Variants in P2RY2 observed in about 807,000 individuals in gnomAD.
P2RY2 encodes the protein purinergic receptor P2Y2.
For synonymous variants in P2RY2, 241 were observed against 231.9 expected (o/e 1.04, Z -0.35); for missense variants, 567 against 515.7 (o/e 1.10, Z -0.96).
rs1255958367 is a variant in P2RY2 at position 73,227,597 on chromosome 11, GACAATAGAATGC to G, written c.-199-380_-199-369del. On this transcript the variant is annotated intron_variant, in intron 1 of 2. Transcript: ENST00000393597. ...AAGGGCAAAAGTGTGTTGGCAGAAG[GACAATAGAATGC>G]ACACTGGGCAAAGAGGGTATTGACT... Among the ~76,000 whole-genome samples, 9 of 152,294 alleles carry G rather than the reference GACAATAGAATGC, an allele frequency of 5.9e-5. No homozygotes were observed. The East Asian group carries it at 1.7e-3, about 29-fold the overall frequency.
At chr11:73,227,042 C>G (rs1360069691) in intron 1 of P2RY2, among the ~76,000 whole-genome samples, 1 of 152,138 alleles carries the variant, frequency 6.6e-6, no homozygotes, top group Non-Finnish European at 1.5e-5. Context: ...AACCCATCAC[C>G]TACATTAGGT....
chr11:73,220,505 A>G (rs1466227928), intron 1 of P2RY2, among the ~76,000 whole-genome samples: 1 of 152,208 alleles, frequency 6.6e-6, no homozygotes, highest in Non-Finnish European at 1.5e-5. Context: ...CTGAGCCTTC[A>G]GATGCTCCTG....
chr11:73,229,590 G>A (rs764442247), intron 2 of P2RY2, among the ~76,000 whole-genome samples: 11 of 152,102 alleles, frequency 7.2e-5, no homozygotes, highest in Non-Finnish European at 1.5e-4. Context: ...GGCGGGAGGG[G>A]TGAGTCTGGC....
chr11:73,234,798 C>A lies in P2RY2; in HGVS notation c.639C>A (p.Val213=). 1 of 1,612,034 alleles carries A rather than the reference C, an allele frequency of 6.2e-7. No individual in the cohort carries two copies. Among genetic ancestry groups the A allele is most frequent in the Non-Finnish European group, 8.5e-7 (1 of 1,179,962 alleles). ...LGLLFAVPFA[V]ILVCYVLMAR... is the part of the protein sequence containing the mutation. ...TGCTCTTCGCGGTGCCCTTTGCCGT[C>A]ATCCTTGTCTGTTACGTGCTCATGG... is the stretch of plus-strand genomic sequence containing the variant. Residue 213 remains valine, a synonymous_variant, in exon 3 of 3, where the codon GTC becomes GTA. Coordinates refer to ENST00000393597, the MANE Select transcript of P2RY2 (RefSeq NM_002564.4).
At position 73,234,456 on chromosome 11, in the gene P2RY2, G is replaced by A; in HGVS notation, c.297G>A (p.Trp99Ter). 6.2e-7 allele frequency: 1 copy of A among 1,614,122 alleles called. No homozygotes were observed. The highest frequency in any genetic ancestry group is 1.1e-5 in the South Asian group (1 of 91,090). The change falls in exon 3 of 3, where the codon TGG (tryptophan) becomes TGA (stop). Residue 99 changes from tryptophan (W) to a stop codon, truncating the protein, a stop_gained. Transcript: ENST00000393597. LOFTEE classifies it low-confidence loss of function (END_TRUNC). ...ATTACTACGCCCGCGGCGACCACTG[G>A]CCCTTCAGCACGGTGCTCTGCAAGC... ...LVYYYARGDH[W>*]PFSTVLCKLV...
At position 73,234,795 on chromosome 11, in the gene P2RY2, C is replaced by T. The variant is rs772692364; in HGVS notation, c.636C>T (p.Ala212=). The stretch of plus-strand genomic sequence containing the variant: ...GCCTGCTCTTCGCGGTGCCCTTTGC[C>T]GTCATCCTTGTCTGTTACGTGCTCA... ...MLGLLFAVPF[A]VILVCYVLMA... Residue 212 remains alanine (A), a synonymous_variant, in exon 3 of 3, where the codon GCC becomes GCT. Coordinates refer to ENST00000393597, the MANE Select transcript of P2RY2 (RefSeq NM_002564.4). 2.4e-5 allele frequency: 39 copies of T among 1,611,848 alleles called. No individual in the cohort carries two copies. The highest frequency in any genetic ancestry group is 3.3e-5 in the Admixed American group (2 of 60,008).
rs1025157472 is a variant in P2RY2 at position 73,235,426 on chromosome 11, G to A, written c.*133G>A. ...TGGATGACCCCATGCTCCGTCATTT[G>A]ACAGGGGCTCAGGATATTCACTCTG... On this transcript the variant is annotated 3_prime_UTR_variant, in exon 3 of 3. Transcript: ENST00000393597. 6.9e-7 allele frequency: 1 copy of A among 1,447,838 alleles called. No homozygotes were observed. Among genetic ancestry groups the A allele is most frequent in the East Asian group, 2.5e-5 (1 of 40,348 alleles). The allele number at this position is 1,447,838 out of a possible 1,614,324, so 89.7% of individuals were successfully genotyped here.
Position 73,235,794 on chromosome 11 carries a change from G to A in P2RY2, c.*501G>A, listed in dbSNP as rs1275987984. 5 of 1,001,176 alleles carry A rather than the reference G, an allele frequency of 5.0e-6. No homozygotes were observed. The highest frequency in any genetic ancestry group is 4.7e-5 in the South Asian group (1 of 21,324). 62.0% of individuals were successfully genotyped at this position (1,001,176 alleles called of 1,614,324 possible). On this transcript the variant is annotated 3_prime_UTR_variant, in exon 3 of 3. Coordinates refer to ENST00000393597, the MANE Select transcript of P2RY2 (RefSeq NM_002564.4). ...TGGTCTGGAATGGACTGGGTGCCAC[G>A]GTGGACTTAGCTCTGAGGAGTACCC... is the stretch of plus-strand genomic sequence containing the variant.
At position 73,240,303 on chromosome 11, in the gene P2RY2, TC is replaced by T. The variant is rs951318752; in HGVS notation, c.*5012del. On this transcript the variant is annotated 3_prime_UTR_variant, in exon 3 of 3. Transcript: ENST00000393597. Reference sequence around the variant, plus strand: ...TGCAGATGGAGTCAGAAGAGGATTTTCCACTCCCAGTACAATGACTGCCCTG... The same window carrying T: ...TGCAGATGGAGTCAGAAGAGGATTTTCACTCCCAGTACAATGACTGCCCTG... 1.3e-5 allele frequency: 2 copies of T among 152,412 alleles called. No homozygotes were observed. Among genetic ancestry groups the T allele is most frequent in the Non-Finnish European group, 2.9e-5 (2 of 68,218 alleles). 9.4% of individuals were successfully genotyped at this position (152,412 alleles called of 1,614,324 possible).
intron 1 of P2RY2, among the ~76,000 whole-genome samples, chr11:73,221,644 T>C (rs888541609): frequency 6.6e-6 from 1 of 152,190 alleles, no homozygotes; most frequent in African/African-American, 2.4e-5. Context: ...CCCAAACTGC[T>C]TTCTGTAGGC....
At chr11:73,225,996 A>G (rs1451447471) in intron 1 of P2RY2, among the ~76,000 whole-genome samples, 3 of 152,228 alleles carry the variant, frequency 2.0e-5, no homozygotes, top group Non-Finnish European at 2.9e-5. Context: ...AGGAAACTAC[A>G]TGACTGCAGT....
intron 2 of P2RY2, among the ~76,000 whole-genome samples, chr11:73,231,582 A>G (rs934329566): frequency 6.6e-6 from 1 of 151,572 alleles, no homozygotes. Context: ...AAAGAAAGAA[A>G]AAAAGAAGGG....
At position 73,234,573 on chromosome 11, in the gene P2RY2, TCTGCGCTCC is replaced by T; in HGVS notation, c.422_430del (p.Ser141_Arg143del). The stretch of plus-strand genomic sequence containing the variant: ...ACCGGTGTCTGGGCGTCTTACGACC[TCTGCGCTCC>T]CTGCGCTGGGGCCGGGCCCGCTACG... On this transcript the variant is annotated inframe_deletion, in exon 3 of 3. Transcript: ENST00000393597. 6.3e-7 allele frequency: 1 copy of T among 1,582,542 alleles called. No homozygotes were observed. Among genetic ancestry groups the T allele is most frequent in the Non-Finnish European group, 8.6e-7 (1 of 1,163,538 alleles).
In P2RY2 at chr11:73,241,712, G is replaced by A. The variant is rs1329122723; in HGVS notation, c.*6419G>A. The A allele has an allele frequency of 6.6e-6, 1 of 152,240 alleles. No homozygotes were observed. Among genetic ancestry groups the A allele is most frequent in the Non-Finnish European group, 1.5e-5 (1 of 68,072 alleles). 9.4% of individuals were successfully genotyped at this position (152,240 alleles called of 1,614,324 possible). A position where few individuals can be genotyped will look rare whatever the true frequency, so the allele number is the denominator to read the frequency against. ...TTCTGGGTCCCTCTCTCCTCTAGGT[G>A]TTGGGGCAGGGTGGGGAGGAAAGGG... On this transcript the variant is annotated 3_prime_UTR_variant, in exon 3 of 3. Transcript: ENST00000393597.
intron 1 of P2RY2, among the ~76,000 whole-genome samples, chr11:73,223,324 A>G (rs1862174848): frequency 6.6e-6 from 1 of 152,088 alleles, no homozygotes; most frequent in African/African-American, 2.4e-5. Flanking sequence ...ATCTTATCAC[A>G]GTTCCCCTTC....
chr11:73,221,475 G>A (rs1270562491), intron 1 of P2RY2, among the ~76,000 whole-genome samples: 2 of 152,122 alleles, frequency 1.3e-5, no homozygotes, highest in Admixed American at 1.3e-4. Context: ...TTTGAATTCT[G>A]CCCTGGGAAC....
chr11:73,234,620 C>T lies in P2RY2; in HGVS notation c.461C>T (p.Ala154Val). ...CGGGCCCGCTACGCTCGCCGGGTGG[C>T]CGGGGCCGTGTGGGTGTTGGTGCTG... ...WGRARYARRV[A>V]GAVWVLVLAC... The change falls in exon 3 of 3, where the codon GCC (alanine) becomes GTC (valine). Residue 154 changes from alanine to valine, a missense_variant. By Grantham distance (64) the Ala-to-Val change is moderately conservative. Coordinates refer to ENST00000393597, the MANE Select transcript of P2RY2 (RefSeq NM_002564.4). 1 of 1,567,686 alleles carries T rather than the reference C, an allele frequency of 6.4e-7. No homozygotes were observed. The highest frequency in any genetic ancestry group is 8.7e-7 in the Non-Finnish European group (1 of 1,156,046).
At chr11:73,221,368 C>A (rs1862109985) in intron 1 of P2RY2, among the ~76,000 whole-genome samples, 1 of 152,158 alleles carries the variant, frequency 6.6e-6, no homozygotes, top group Admixed American at 6.5e-5. Flanking sequence ...GAGGTGAAAC[C>A]TGGGGCTCCA....
rs569213329 is a variant in P2RY2, at chr11:73,237,262, T to C, written c.*1969T>C. 1 of 355,372 alleles carries C rather than the reference T, an allele frequency of 2.8e-6. No individual in the cohort carries two copies. Among genetic ancestry groups the C allele is most frequent in the Non-Finnish European group, 3.9e-6 (1 of 254,030 alleles). 22.0% of individuals were successfully genotyped at this position (355,372 alleles called of 1,614,324 possible). The stretch of plus-strand genomic sequence containing the variant: ...GTCCTTCTGAGTTTTTTTTTTCTTT[T>C]TGAGACGAAGTCTTGTTCTGTCACC... On this transcript the variant is annotated 3_prime_UTR_variant, in exon 3 of 3. Coordinates refer to ENST00000393597, the MANE Select transcript of P2RY2 (RefSeq NM_002564.4).
Sources: allele counts gnomAD v4.1 joint callset (sites outside exome capture counted in the v4.1 genomes callset), GRCh38; gene constraint gnomAD v4.1.1; transcripts MANE v1.5; gene names NCBI Gene and HGNC (gene_info 2026-07-23, HGNC 2026-07-21).